The following SLC39A11 variants were observed in gnomAD, a reference collection of about 807,000 sequenced individuals.
SLC39A11 encodes the protein zinc transporter ZIP11.
Under a neutral mutation model 36.1 loss-of-function variants are expected in SLC39A11, and 33 were observed. The ratio of observed to expected loss-of-function variants is 0.91; its 90% CI spans 0.69 to 1.22. The LOEUF (loss-of-function observed/expected upper bound fraction) is 1.22, where lower values mean the gene tolerates loss of function less well. SLC39A11 is among the 50% of genes most tolerant of loss of function. The pLI is 0.00. For missense variants in SLC39A11, 432 were observed against 430.3 expected, an observed-to-expected ratio of 1.00 and a Z score of -0.03; for synonymous variants, 166 against 170.3, an observed-to-expected ratio of 0.97 and a Z score of 0.20.
At chr17:72,682,636 G>T (rs79582915) in intron 7 of SLC39A11, among the ~76,000 whole-genome samples, 15,322 of 152,160 alleles carry the variant, frequency 0.1, 973 homozygotes, top group African/African-American at 0.19. Flanking sequence ...TGGACTATGA[G>T]AAACTCACTG....
intron 5 of SLC39A11, among the ~76,000 whole-genome samples, chr17:72,912,561 A>G (rs1265181104): frequency 4.3e-5 from 4 of 92,008 alleles, no homozygotes; most frequent in East Asian, 2.5e-4. Context: ...CAGCCTCCCA[A>G]AGAGCTGGGA....
At chr17:72,909,056 C>T (rs999544759) in intron 5 of SLC39A11, among the ~76,000 whole-genome samples, 45 of 152,330 alleles carry the variant, frequency 3.0e-4, no homozygotes, top group Middle Eastern at 3.4e-3. Context: ...CTCAGAGAAC[C>T]GTTTCCTAAG....
In SLC39A11 at chr17:72,677,919, G is replaced by A. The variant is rs915530624; in HGVS notation, c.672-28651C>T. ...TACTCAAGGTCGTCTTGGAAACAAC[G>A]TCACCACCTACAAGCCCATCCAGTG... On this transcript the variant is annotated intron_variant, in intron 7 of 9. Coordinates refer to ENST00000255559, the MANE Select transcript of SLC39A11 (RefSeq NM_139177.4). Among the ~76,000 whole-genome samples, 79 of 152,248 alleles carry A rather than the reference G, an allele frequency of 5.2e-4. 2 individuals are homozygous for A. Among genetic ancestry groups the A allele is most frequent in the Admixed American group, 4.9e-3 (75 of 15,294 alleles).
intron 3 of SLC39A11, among the ~76,000 whole-genome samples, chr17:73,070,545 T>A (rs1484502437): frequency 6.6e-6 from 1 of 152,202 alleles, no homozygotes; most frequent in Non-Finnish European, 1.5e-5. Context: ...TCATCCTTCA[T>A]TAAACCATGA....
chr17:72,915,646 G>A (rs753537571), intron 5 of SLC39A11, among the ~76,000 whole-genome samples: 54 of 152,148 alleles, frequency 3.5e-4, no homozygotes, highest in African/African-American at 1.2e-3. Context: ...ACCTGTCATC[G>A]GGTGTTTAGC....
At position 73,004,220 on chromosome 17, in the gene SLC39A11, AAAGAAAG is replaced by A. The variant is rs1362427529; in HGVS notation, c.306+27329_306+27335del. On this transcript the variant is annotated intron_variant, in intron 4 of 9. Coordinates refer to ENST00000255559, the MANE Select transcript of SLC39A11 (RefSeq NM_139177.4). ...GAAAGAAAGAAAGAAAGAAAGAAAG[AAAGAAAG>A]AAAGAAAAGAAAGAAAGAGAAAAAG... is the stretch of plus-strand genomic sequence containing the variant. Among the ~76,000 whole-genome samples the A allele has an allele frequency of 1.2e-3, 98 of 84,268 alleles. 5 individuals are homozygous for A. The highest frequency in any genetic ancestry group is 1.6e-3 in the East Asian group (4 of 2,476). 55.3% of individuals were successfully genotyped at this position (84,268 alleles called of 152,430 possible).
intron 6 of SLC39A11, among the ~76,000 whole-genome samples, chr17:72,796,595 C>T (rs1041646751): frequency 6.6e-6 from 1 of 152,106 alleles, no homozygotes; most frequent in Non-Finnish European, 1.5e-5. Context: ...AAGACAGAAT[C>T]ATGAGCAGAA....
chr17:72,809,195 T>TTCTTTC (rs1294393419), intron 6 of SLC39A11, among the ~76,000 whole-genome samples: 17 of 76,796 alleles, frequency 2.2e-4, no homozygotes, highest in African/African-American at 9.7e-4. Flanking sequence ...CTTCTTTCTT[T>TTCTTTC]TCTTTCTCTC....
chr17:72,855,393 A>C (rs556968527), intron 5 of SLC39A11, among the ~76,000 whole-genome samples: 6 of 152,308 alleles, frequency 3.9e-5, no homozygotes, highest in Non-Finnish European at 8.8e-5. Context: ...ACACTAGCCA[A>C]GAGAGCTTTA....
chr17:72,957,918 G>A (rs1031565560), intron 4 of SLC39A11, among the ~76,000 whole-genome samples: 8 of 151,906 alleles, frequency 5.3e-5, no homozygotes, highest in Non-Finnish European at 2.9e-5. Flanking sequence ...TGAACCTAGA[G>A]GGGTGAGGAG....
chr17:72,791,233 T>C (rs1412921340), intron 6 of SLC39A11, among the ~76,000 whole-genome samples: 4 of 152,144 alleles, frequency 2.6e-5, no homozygotes, highest in Admixed American at 6.5e-5. Context: ...GGTGGGCAGA[T>C]TGCTTGAGGT....
chr17:72,784,703 G>A (rs939395291), intron 6 of SLC39A11, among the ~76,000 whole-genome samples: 3 of 151,522 alleles, frequency 2.0e-5, no homozygotes, highest in African/African-American at 4.9e-5. Context: ...CCTCTTTCTC[G>A]CTCTTGCTTT....
intron 3 of SLC39A11, among the ~76,000 whole-genome samples, chr17:73,061,274 C>T (rs768059864): frequency 1.4e-4 from 22 of 152,072 alleles, no homozygotes; most frequent in Non-Finnish European, 1.5e-5. Flanking sequence ...GCCAGAGAAC[C>T]GTTTCAACCC....
intron 6 of SLC39A11, among the ~76,000 whole-genome samples, chr17:72,826,564 T>C (rs776664361): frequency 6.6e-6 from 1 of 152,226 alleles, no homozygotes; most frequent in Non-Finnish European, 1.5e-5. Flanking sequence ...CAGGAGTCTG[T>C]AGATCCAGGC....
At chr17:72,883,455 T>C (rs1375016164) in intron 5 of SLC39A11, among the ~76,000 whole-genome samples, 1 of 151,794 alleles carries the variant, frequency 6.6e-6, no homozygotes, top group East Asian at 1.9e-4. Flanking sequence ...AGTATTTACA[T>C]GATGCAAAAC....
At chr17:72,799,631 A>C (rs1438854521) in intron 6 of SLC39A11, among the ~76,000 whole-genome samples, 1 of 152,050 alleles carries the variant, frequency 6.6e-6, no homozygotes, top group Non-Finnish European at 1.5e-5. Context: ...TGAGATAAGG[A>C]CTGAGATACG....
chr17:73,052,016 T>C (rs2059521147), intron 3 of SLC39A11, among the ~76,000 whole-genome samples: 1 of 151,930 alleles, frequency 6.6e-6, no homozygotes, highest in Non-Finnish European at 1.5e-5. Flanking sequence ...AAAATTGGAA[T>C]AACCATCCCC....
chr17:72,932,226 C>T (rs1036020457), intron 5 of SLC39A11, among the ~76,000 whole-genome samples: 1 of 151,926 alleles, frequency 6.6e-6, no homozygotes, highest in African/African-American at 2.4e-5. Flanking sequence ...GGAGCTGAGT[C>T]AGAATTTAAA....
chr17:72,798,792 C>A (rs1044534651), intron 6 of SLC39A11, among the ~76,000 whole-genome samples: 1 of 152,094 alleles, frequency 6.6e-6, no homozygotes, highest in South Asian at 2.1e-4. Flanking sequence ...TACCATCACA[C>A]TGGGGGCTAA....
Sources: allele counts gnomAD v4.1 joint callset (sites outside exome capture counted in the v4.1 genomes callset), GRCh38; gene constraint gnomAD v4.1.1; transcripts MANE v1.5; gene names NCBI Gene and HGNC (gene_info 2026-07-23, HGNC 2026-07-21).